Variants in PHF24 observed in about 807,000 individuals in gnomAD.
PHF24 encodes the protein Galpha inhibitory interacting protein.
A neutral mutation model predicts 42.6 loss-of-function variants in PHF24; 25 were observed. The ratio of observed to expected loss-of-function variants is 0.59; its 90% CI spans 0.43 to 0.82. The LOEUF (loss-of-function observed/expected upper bound fraction) is 0.82, where lower values mean the gene tolerates loss of function less well. PHF24 is among the 40% of genes least tolerant of loss of function. PHF24 has a pLI of 0.00. For missense variants in PHF24, 470 were observed against 538.1 expected (o/e 0.87, Z 1.25); for synonymous variants, 185 against 204.8 (o/e 0.90, Z 0.83).
At chr9:34,870,792 C>T in the PHF24 span, among the ~76,000 whole-genome samples, 1 of 152,078 alleles carries the variant, frequency 6.6e-6, no homozygotes, top group Non-Finnish European at 1.5e-5. Context: ...CTTCATACCT[C>T]GTTTCTTTTT....
chr9:34,665,631 G>A, the PHF24 span: 1 of 699,348 alleles, frequency 1.4e-6, no homozygotes, highest in South Asian at 1.5e-5. Context: ...CGCCTCCAGC[G>A]CCACCTCGTA....
chr9:34,880,180 T>A, the PHF24 span, among the ~76,000 whole-genome samples: 1 of 152,172 alleles, frequency 6.6e-6, no homozygotes, highest in Non-Finnish European at 1.5e-5. Flanking sequence ...AGGCCTGCCT[T>A]ACAAGAGCTC....
chr9:34,775,187 A>T, the PHF24 span, among the ~76,000 whole-genome samples: 1 of 152,226 alleles, frequency 6.6e-6, no homozygotes, highest in Non-Finnish European at 1.5e-5. Context: ...TAAACAATAT[A>T]TATAATAGAA....
At chr9:34,908,883 C>T in the PHF24 span, among the ~76,000 whole-genome samples, 3 of 141,616 alleles carry the variant, frequency 2.1e-5, no homozygotes, top group East Asian at 2.0e-4. Context: ...AGTCTCACGT[C>T]GTCGCCTGGG....
chr9:34,826,849 T>C, the PHF24 span, among the ~76,000 whole-genome samples: 1 of 152,146 alleles, frequency 6.6e-6, no homozygotes. Context: ...AATTCTTGAG[T>C]TTATACCCTT....
the PHF24 span, among the ~76,000 whole-genome samples, chr9:34,808,528 A>G: frequency 6.6e-6 from 1 of 152,160 alleles, no homozygotes. Flanking sequence ...ACAAAATACC[A>G]CAGACTAGGT....
At chr9:34,694,926 T>A in the PHF24 span, among the ~76,000 whole-genome samples, 7 of 152,266 alleles carry the variant, frequency 4.6e-5, no homozygotes, top group Non-Finnish European at 8.8e-5. Flanking sequence ...GTGTATGTGA[T>A]ATTGTGAAAT....
At chr9:34,871,966 T>G in the PHF24 span, among the ~76,000 whole-genome samples, 1 of 152,190 alleles carries the variant, frequency 6.6e-6, no homozygotes, top group Non-Finnish European at 1.5e-5. Flanking sequence ...TAGATCAAGT[T>G]GTGAAGAACT....
At chr9:34,889,696 C>A in the PHF24 span, 1 of 398,176 alleles carries the variant, frequency 2.5e-6, no homozygotes, top group Non-Finnish European at 4.4e-6. Context: ...AACTCTTAGC[C>A]CTAGAAAGTG....
At chr9:34,807,015 C>A in the PHF24 span, among the ~76,000 whole-genome samples, 2 of 152,072 alleles carry the variant, frequency 1.3e-5, 1 homozygote, top group Admixed American at 1.3e-4. Context: ...TTTCCTTTCT[C>A]ATTTGGATGT....
chr9:34,838,290 G>T, the PHF24 span: 1 of 706,370 alleles, frequency 1.4e-6, no homozygotes. Flanking sequence ...GGACTCTGGA[G>T]CTTAAAAGCA....
the PHF24 span, among the ~76,000 whole-genome samples, chr9:34,926,923 G>T: frequency 6.6e-6 from 1 of 152,142 alleles, no homozygotes; most frequent in Non-Finnish European, 1.5e-5. The surrounding 1 kb of genome is among the most constrained non-coding windows in gnomAD (Gnocchi z 4.3). Context: ...CCTACCGGGG[G>T]CAGCCTGAAG....
At chr9:34,909,466 C>G in the PHF24 span, among the ~76,000 whole-genome samples, 1 of 151,808 alleles carries the variant, frequency 6.6e-6, no homozygotes, top group Admixed American at 6.6e-5. Flanking sequence ...TGCTCAATTC[C>G]TGTATGGTTT....
the PHF24 span, among the ~76,000 whole-genome samples, chr9:34,720,740 A>G: frequency 3.9e-5 from 6 of 152,050 alleles, no homozygotes; most frequent in Admixed American, 3.3e-4. Context: ...CTCCAGCCTC[A>G]TGCTCTTGCG....
the PHF24 span, among the ~76,000 whole-genome samples, chr9:34,750,159 A>G: frequency 6.6e-6 from 1 of 152,186 alleles, no homozygotes; most frequent in Non-Finnish European, 1.5e-5. Flanking sequence ...AATTGTAACT[A>G]CACAGAAAAA....
chr9:34,964,802 C>T (rs535511953), intron 1 of PHF24, among the ~76,000 whole-genome samples: 47 of 152,192 alleles, frequency 3.1e-4, no homozygotes, highest in Non-Finnish European at 6.5e-4. Flanking sequence ...TGAAGTCAGA[C>T]GGCCCTATTC....
the PHF24 span, chr9:34,666,074 C>A: frequency 1.2e-5 from 3 of 246,430 alleles, no homozygotes; most frequent in South Asian, 1.5e-4. Flanking sequence ...CACAGGGATG[C>A]CGTTGCGCAC....
the PHF24 span, among the ~76,000 whole-genome samples, chr9:34,721,399 TTCTCTCTCTCTC>T: frequency 1.4e-4 from 19 of 139,336 alleles, no homozygotes; most frequent in South Asian, 7.4e-4. Flanking sequence ...TGTCTTTCCA[TTCTCTCTCTCTC>T]TCTCTCTCTC....
chr9:34,689,829 C>CG, the PHF24 span: 1 of 1,614,136 alleles, frequency 6.2e-7, no homozygotes, highest in Non-Finnish European at 8.5e-7. This position sits in a 1 kb window ranked among gnomAD's most constrained non-coding sequence, Gnocchi z 4.1. Flanking sequence ...TTAACTGCTG[C>CG]GGCGCTTCAT....
Sources: allele counts gnomAD v4.1 joint callset (sites outside exome capture counted in the v4.1 genomes callset), GRCh38; gene constraint gnomAD v4.1.1; non-coding constraint Gnocchi (gnomAD v3.1); transcripts MANE v1.5; gene names NCBI Gene and HGNC (gene_info 2026-07-23, HGNC 2026-07-21).